TGFBR3: variants seen among roughly 807,000 people sequenced by gnomAD.
TGFBR3 encodes transforming growth factor beta receptor type 3.
TGFBR3 carries 46 observed loss-of-function variants against 87.9 expected under a neutral mutation model. That is an observed-to-expected ratio of 0.52 (90% CI 0.41 to 0.67). TGFBR3 has a LOEUF of 0.67. Among genes scored for constraint, TGFBR3 ranks in the 30% least tolerant of loss-of-function variants. The pLI is 0.00. For missense variants in TGFBR3, 866 were observed against 1,041.9 expected (o/e 0.83, Z 2.32); for synonymous variants, 381 against 391.6 (o/e 0.97, Z 0.32).
intron 4 of TGFBR3, among the ~76,000 whole-genome samples, chr1:91,755,470 A>C (rs113945671): frequency 5.6e-4 from 86 of 152,284 alleles, no homozygotes; most frequent in African/African-American, 2.1e-3. Context: ...TCCCTAAAGG[A>C]AGCCTGCTGG....
chr1:91,802,660 C>G (rs12125313), intron 2 of TGFBR3, among the ~76,000 whole-genome samples: 1 of 152,018 alleles, frequency 6.6e-6, no homozygotes, highest in Non-Finnish European at 1.5e-5. Flanking sequence ...CATGCCTGGC[C>G]CATACTTCTT....
chr1:91,834,567 C>T (rs1380717329), intron 2 of TGFBR3, among the ~76,000 whole-genome samples: 2 of 152,190 alleles, frequency 1.3e-5, no homozygotes, highest in East Asian at 3.8e-4. Context: ...TGTGGCTACT[C>T]GAGAAACAGC....
intron 2 of TGFBR3, among the ~76,000 whole-genome samples, chr1:91,836,812 T>G (rs11165594): frequency 0.22 from 33,721 of 152,052 alleles, 3,854 homozygotes; most frequent in East Asian, 0.35. Flanking sequence ...GCCATGACAG[T>G]ATAACACATA....
intron 12 of TGFBR3, among the ~76,000 whole-genome samples, chr1:91,713,722 T>A (rs1443095290): frequency 1.3e-5 from 2 of 152,220 alleles, no homozygotes; most frequent in African/African-American, 4.8e-5. Context: ...AGGATTCTGA[T>A]AATGTCACTG....
chr1:91,838,522 A>T (rs2046739), intron 2 of TGFBR3, among the ~76,000 whole-genome samples: 1 of 149,362 alleles, frequency 6.7e-6, no homozygotes, highest in South Asian at 2.1e-4. Flanking sequence ...GCAGTGGGGC[A>T]AACTCGGCGC....
intron 3 of TGFBR3, among the ~76,000 whole-genome samples, chr1:91,773,256 G>C (rs552862471): frequency 7.3e-6 from 1 of 137,404 alleles, no homozygotes; most frequent in Non-Finnish European, 1.6e-5. Flanking sequence ...TTTTTTTTTT[G>C]GCTTAAGTAT....
At chr1:91,849,878 T>C (rs572599172) in intron 2 of TGFBR3, among the ~76,000 whole-genome samples, 9 of 151,944 alleles carry the variant, frequency 5.9e-5, no homozygotes, top group South Asian at 2.1e-4. Context: ...GTCAGGAGAT[T>C]GAGACCATCC....
At chr1:91,733,512 C>G (rs145411750) in intron 5 of TGFBR3, among the ~76,000 whole-genome samples, 1,550 of 152,288 alleles carry the variant, frequency 0.01, 21 homozygotes, top group African/African-American at 0.034. Context: ...TTTAAAGCAG[C>G]CCAGATCCAA....
intron 1 of TGFBR3, among the ~76,000 whole-genome samples, chr1:91,884,256 G>A (rs1488798334): frequency 6.6e-6 from 1 of 151,566 alleles, no homozygotes; most frequent in Non-Finnish European, 1.5e-5. Flanking sequence ...GGAGGTGGAG[G>A]TTGCAGTGAG....
At chr1:91,854,095 G>A (rs1454026718) in intron 2 of TGFBR3, among the ~76,000 whole-genome samples, 2 of 152,188 alleles carry the variant, frequency 1.3e-5, no homozygotes, top group Admixed American at 1.3e-4. Context: ...AAGGACTGAG[G>A]AGATGTTGGT....
chr1:91,846,621 C>A (rs1198180298), intron 2 of TGFBR3, among the ~76,000 whole-genome samples: 1 of 152,050 alleles, frequency 6.6e-6, no homozygotes, highest in Non-Finnish European at 1.5e-5. Context: ...AGATTTGATA[C>A]TTAAAAGTTT....
At chr1:91,728,844 A>G (rs1672641475) in intron 6 of TGFBR3, among the ~76,000 whole-genome samples, 1 of 152,178 alleles carries the variant, frequency 6.6e-6, no homozygotes, top group African/African-American at 2.4e-5. Context: ...AGGAGGGTGA[A>G]ATGCAGGCTC....
intron 13 of TGFBR3, among the ~76,000 whole-genome samples, chr1:91,709,499 C>G (rs1458708822): frequency 6.6e-6 from 1 of 152,168 alleles, no homozygotes; most frequent in Non-Finnish European, 1.5e-5. Context: ...ATAAGATAAT[C>G]ATGTTGCTGA....
chr1:91,715,915 T>C (rs1672150043), intron 12 of TGFBR3, among the ~76,000 whole-genome samples: 1 of 151,654 alleles, frequency 6.6e-6, no homozygotes, highest in Non-Finnish European at 1.5e-5. Flanking sequence ...TGGTTAACTC[T>C]AACACTGCAA....
At chr1:91,881,296 T>C (rs1443832517) in intron 1 of TGFBR3, among the ~76,000 whole-genome samples, 3 of 152,154 alleles carry the variant, frequency 2.0e-5, no homozygotes, top group African/African-American at 7.2e-5. Context: ...GATTCTGCCC[T>C]CAGAAAAACA....
In TGFBR3 at chr1:91,695,695, A is replaced by C; in HGVS notation, c.2414T>G (p.Leu805Trp). 1 of 1,614,162 alleles carries C rather than the reference A, an allele frequency of 6.2e-7. No individual in the cohort carries two copies. Among genetic ancestry groups the C allele is most frequent in the Non-Finnish European group, 8.5e-7 (1 of 1,179,980 alleles). The part of the protein sequence containing the change: ...FVIGALLTGA[L>W]WYIYSHTGET... ...ACCTGTGTGAGAATAGATGTACCAC[A>C]AGGCCCCCGTCAGGAGTGCTCCGAT... Residue 805 changes from leucine to tryptophan, a missense_variant, in exon 16 of 17, where the codon TTG becomes TGG. Physicochemically the swap from Leu to Trp is moderately conservative, Grantham distance 61. Coordinates refer to ENST00000212355, the MANE Select transcript of TGFBR3 (RefSeq NM_003243.5).
chr1:91,704,591 T>C (rs1671732277), intron 14 of TGFBR3, among the ~76,000 whole-genome samples: 1 of 152,092 alleles, frequency 6.6e-6, no homozygotes, highest in African/African-American at 2.4e-5. Context: ...AATATAATAA[T>C]CCACATAAAG....
Position 91,885,900 on chromosome 1 carries a change from G to T in TGFBR3, c.-136C>A. Reference sequence around the variant, plus strand: ...TACCTCGGAGGCGGTGTGTCCAGCGGAGATCCACCCGCAGCAAGTTGGAGG... The same window carrying T: ...TACCTCGGAGGCGGTGTGTCCAGCGTAGATCCACCCGCAGCAAGTTGGAGG... On this transcript the variant is annotated 5_prime_UTR_variant, in exon 1 of 17. Transcript: ENST00000212355. 2.4e-6 allele frequency: 1 copy of T among 425,350 alleles called. No individual in the cohort carries two copies. The highest frequency in any genetic ancestry group is 4.7e-6 in the Non-Finnish European group (1 of 212,358). The allele number at this position is 425,350 out of a possible 1,614,324, so 26.3% of individuals were successfully genotyped here. A position where few individuals can be genotyped will look rare whatever the true frequency, so the allele number is the denominator to read the frequency against.
chr1:91,903,338 C>CAAAAAAAAAAAAAA (rs58672104), intron 1 of TGFBR3, among the ~76,000 whole-genome samples: 3 of 50,506 alleles, frequency 5.9e-5, no homozygotes, highest in Non-Finnish European at 7.0e-5. Context: ...GATTCTGCCT[C>CAAAAAAAAAAAAAA]AAAAAAAAAA....
Sources: gnomAD v4.1 joint callset for allele counts (sites outside exome capture counted in the v4.1 genomes callset) on GRCh38, gnomAD v4.1.1 for gene constraint, MANE v1.5 for transcripts, NCBI Gene and HGNC (gene_info 2026-07-23, HGNC 2026-07-21) for gene names.